CCDC148: variants seen among roughly 807,000 people sequenced by gnomAD.
CCDC148 encodes the protein coiled-coil domain containing 148, also known as coiled-coil domain-containing protein 148.
A neutral mutation model predicts 85.7 loss-of-function variants in CCDC148; 89 were observed. That is an observed-to-expected ratio of 1.04 (90% CI 0.87 to 1.24). The LOEUF is 1.24. CCDC148 is among the 50% of genes most tolerant of loss of function. The pLI, the probability that CCDC148 is intolerant of heterozygous loss-of-function variation, is 0.00. For synonymous variants in CCDC148, 230 were observed against 213.9 expected (o/e 1.08, Z -0.66); for missense variants, 692 against 671.7 (o/e 1.03, Z -0.33).
chr2:158,180,330 C>G (rs1429987254), intron 11 of CCDC148, among the ~76,000 whole-genome samples: 1 of 152,088 alleles, frequency 6.6e-6, no homozygotes, highest in African/African-American at 2.4e-5. Flanking sequence ...GCTGGGTTGC[C>G]ATTTTTTAAT....
intron 9 of CCDC148, among the ~76,000 whole-genome samples, chr2:158,261,124 C>T (rs1331164702): frequency 6.6e-6 from 1 of 152,066 alleles, no homozygotes; most frequent in Admixed American, 6.6e-5. Flanking sequence ...AACTATACTA[C>T]AGGGCTACAG....
At chr2:158,442,484 A>G (rs1316068345) in intron 1 of CCDC148, among the ~76,000 whole-genome samples, 6 of 152,246 alleles carry the variant, frequency 3.9e-5, no homozygotes, top group Non-Finnish European at 8.8e-5. Flanking sequence ...TACTGGGAGA[A>G]AAAGTTGCCA....
chr2:158,230,406 C>T (rs557665698), intron 10 of CCDC148, among the ~76,000 whole-genome samples: 14 of 152,170 alleles, frequency 9.2e-5, no homozygotes, highest in African/African-American at 2.6e-4. Context: ...GGTAGATGAG[C>T]GTGAAACACC....
intron 11 of CCDC148, among the ~76,000 whole-genome samples, chr2:158,179,286 G>A (rs1684762095): frequency 6.9e-6 from 1 of 145,666 alleles, no homozygotes. Context: ...AGCCTCCCGA[G>A]TAGCTGGGAT....
intron 1 of CCDC148, among the ~76,000 whole-genome samples, chr2:158,446,771 A>T (rs1307916508): frequency 2.0e-5 from 3 of 152,176 alleles, no homozygotes; most frequent in Non-Finnish European, 4.4e-5. Flanking sequence ...ACTTGTATTA[A>T]ATCCTCCCAT....
At chr2:158,397,571 C>G (rs1351357071) in intron 1 of CCDC148, among the ~76,000 whole-genome samples, 1 of 152,154 alleles carries the variant, frequency 6.6e-6, no homozygotes, top group Admixed American at 6.5e-5. Flanking sequence ...TATATACCAG[C>G]AAATGCTGAG....
chr2:158,395,157 C>A (rs1685471273), intron 1 of CCDC148, among the ~76,000 whole-genome samples: 1 of 152,032 alleles, frequency 6.6e-6, no homozygotes, highest in African/African-American at 2.4e-5. Flanking sequence ...AAAACACCAG[C>A]CAATAATATG....
rs142896826 is a variant in CCDC148, at chr2:158,418,441, TC to T, written c.25+37973del. On this transcript the variant is annotated intron_variant, in intron 1 of 13. Transcript: ENST00000283233. ...TATTTAAAATCCTCAAGGGCTGGCCTCTGCCTCCTCTTCCAGCCTTAAAAAC... is the reference window on the plus strand; with the variant it reads ...TATTTAAAATCCTCAAGGGCTGGCCTTGCCTCCTCTTCCAGCCTTAAAAAC... Among the ~76,000 whole-genome samples the T allele has an allele frequency of 6.4e-3, 968 of 152,350 alleles. 14 individuals are homozygous for T. The highest frequency in any genetic ancestry group is 0.022 in the African/African-American group (923 of 41,584).
chr2:158,203,471 T>C (rs1485851984), intron 11 of CCDC148, among the ~76,000 whole-genome samples: 2 of 152,216 alleles, frequency 1.3e-5, no homozygotes, highest in Admixed American at 6.5e-5. Context: ...TTCTCCACTA[T>C]TAATGGCAAA....
intron 1 of CCDC148, among the ~76,000 whole-genome samples, chr2:158,381,935 A>C (rs898634203): frequency 6.6e-6 from 1 of 152,144 alleles, no homozygotes; most frequent in Non-Finnish European, 1.5e-5. Flanking sequence ...GGCTAAATTC[A>C]TATGCTGAAA....
chr2:158,321,067 C>T (rs182562439), intron 7 of CCDC148, among the ~76,000 whole-genome samples: 1 of 151,802 alleles, frequency 6.6e-6, no homozygotes, highest in Non-Finnish European at 1.5e-5. Context: ...CCCTTTTTTC[C>T]CTTGAAAAAA....
At chr2:158,354,096 A>T (rs1296019868) in intron 2 of CCDC148, among the ~76,000 whole-genome samples, 1 of 151,824 alleles carries the variant, frequency 6.6e-6, no homozygotes, top group Admixed American at 6.6e-5. Flanking sequence ...AGGGAAATTT[A>T]TAGCACTAAA....
At chr2:158,218,124 C>T (rs144205119) in intron 11 of CCDC148, among the ~76,000 whole-genome samples, 346 of 152,080 alleles carry the variant, frequency 2.3e-3, no homozygotes, top group African/African-American at 7.9e-3. Context: ...TTTTAAAGGC[C>T]TTTTTCACTG....
chr2:158,230,864 A>T (rs982015197), intron 10 of CCDC148, among the ~76,000 whole-genome samples: 4 of 152,256 alleles, frequency 2.6e-5, no homozygotes, highest in Admixed American at 1.3e-4. Context: ...TCATTGAGAG[A>T]TTCCATGTGA....
At chr2:158,205,676 T>C (rs1686205072) in intron 11 of CCDC148, among the ~76,000 whole-genome samples, 1 of 152,124 alleles carries the variant, frequency 6.6e-6, no homozygotes, top group Non-Finnish European at 1.5e-5. Context: ...AGATGATTCT[T>C]TGTAGGTTTG....
intron 9 of CCDC148, among the ~76,000 whole-genome samples, chr2:158,288,361 A>C (rs1212439796): frequency 2.0e-5 from 3 of 152,180 alleles, no homozygotes; most frequent in African/African-American, 7.2e-5. Context: ...TCAGGCTGAA[A>C]ATTTTCTGAA....
At chr2:158,301,091 T>G (rs992988533) in intron 9 of CCDC148, among the ~76,000 whole-genome samples, 1 of 152,180 alleles carries the variant, frequency 6.6e-6, no homozygotes. Flanking sequence ...ACTCCTGGCT[T>G]CAAGCAATCC....
chr2:158,309,478 C>T lies in CCDC148; in HGVS notation c.1065G>A (p.Lys355=). 1 of 1,614,118 alleles carries T rather than the reference C, an allele frequency of 6.2e-7. No individual in the cohort carries two copies. The highest frequency in any genetic ancestry group is 1.1e-5 in the South Asian group (1 of 91,072). Residue 355 remains lysine, a synonymous_variant, in exon 9 of 14, where the codon AAG becomes AAA. Coordinates refer to ENST00000283233, the MANE Select transcript of CCDC148 (RefSeq NM_138803.4). ...ACAATTCCTGTTGCTTTTTCTTGTC[C>T]TTAGCCAACATGCTCTCCATTTCAT... ...ATHEMESMLA[K]DKKKQQELCA...
intron 8 of CCDC148, among the ~76,000 whole-genome samples, chr2:158,310,535 G>A (rs889504319): frequency 2.7e-5 from 4 of 150,782 alleles, no homozygotes; most frequent in Admixed American, 6.6e-5. Flanking sequence ...AGACGGGGCC[G>A]CCAGGTAGAG....
Sources: allele counts gnomAD v4.1 joint callset (sites outside exome capture counted in the v4.1 genomes callset), GRCh38; gene constraint gnomAD v4.1.1; transcripts MANE v1.5; gene names NCBI Gene and HGNC (gene_info 2026-07-23, HGNC 2026-07-21).